Variants in WAPL observed in about 807,000 individuals in gnomAD.
WAPL encodes the protein wings apart-like protein homolog.
A neutral mutation model predicts 121.0 loss-of-function variants in WAPL; 5 were observed. The observed-to-expected ratio is 0.04, with a 90% CI of 0.02 to 0.09. WAPL has a LOEUF of 0.09. Ranked by LOEUF, WAPL falls within the 10% of genes least tolerant of loss-of-function variation. The probability of loss-of-function intolerance (pLI) is 1.00; values close to 1 mark genes in which losing one functional copy is unlikely to be tolerated. For missense variants in WAPL, 999 were observed against 1,410.8 expected (o/e 0.71, Z 4.68); for synonymous variants, 480 against 481.5 (o/e 1.00, Z 0.04).
At chr10:86,486,626 G>A (rs1025933467) in intron 4 of WAPL, among the ~76,000 whole-genome samples, 1 of 152,172 alleles carries the variant, frequency 6.6e-6, no homozygotes, top group Non-Finnish European at 1.5e-5. Flanking sequence ...GATAGTGCTA[G>A]AAGGGCCTAG....
intron 2 of WAPL, among the ~76,000 whole-genome samples, chr10:86,515,739 G>A (rs531201053): frequency 4.6e-5 from 7 of 151,884 alleles, no homozygotes; most frequent in Non-Finnish European, 7.4e-5. Context: ...GCAAGACTGC[G>A]CCACTGTACT....
chr10:86,521,569 G>C lies in WAPL; in HGVS notation c.-227C>G. On this transcript the variant is annotated 5_prime_UTR_variant, in exon 1 of 19. Coordinates refer to ENST00000298767, the MANE Select transcript of WAPL (RefSeq NM_015045.5). ...GCCCCGCAACTTCCCTCCCCGCCTC[G>C]AGCGCCGCCGGCCGGGCCCAGGCCT... 2.4e-6 allele frequency: 1 copy of C among 409,008 alleles called. No individual in the cohort carries two copies. The highest frequency in any genetic ancestry group is 1.1e-4 in the East Asian group (1 of 9,214). 25.3% of individuals were successfully genotyped at this position (409,008 alleles called of 1,614,324 possible). A position where few individuals can be genotyped will look rare whatever the true frequency, so the allele number is the denominator to read the frequency against.
rs762768980 is a variant in WAPL, at chr10:86,517,728, T to C, written c.342A>G (p.Glu114=). The C allele has an allele frequency of 6.2e-7, 1 of 1,614,170 alleles. No homozygotes were observed. The highest frequency in any genetic ancestry group is 1.7e-5 in the Admixed American group (1 of 60,020). The change falls in exon 2 of 19, where the codon GAA becomes GAG. Residue 114 remains glutamate, a synonymous_variant. Coordinates refer to ENST00000298767, the MANE Select transcript of WAPL (RefSeq NM_015045.5). ...AQLEEVTSVL[E]ANSKISHVVV... is the part of the protein sequence containing the mutation. ...CCACATGACTAATTTTGCTATTAGC[T>C]TCAAGTACTGAAGTGACCTCTTCCA...
intron 2 of WAPL, among the ~76,000 whole-genome samples, chr10:86,510,499 C>T (rs897031712): frequency 6.6e-6 from 1 of 152,188 alleles, no homozygotes; most frequent in Non-Finnish European, 1.5e-5. Flanking sequence ...GTCAGTAACT[C>T]TAAAGTACAG....
chr10:86,444,474 T>C (rs1220330852), intron 16 of WAPL, among the ~76,000 whole-genome samples: 1 of 152,208 alleles, frequency 6.6e-6, no homozygotes, highest in East Asian at 1.9e-4. Flanking sequence ...AACAATATTA[T>C]GGAATATTAT....
rs148789152 is a variant in WAPL at position 86,455,954 on chromosome 10, C to T, written c.2658-2123G>A. Among the ~76,000 whole-genome samples, 114 of 152,224 alleles carry T rather than the reference C, an allele frequency of 7.5e-4. 1 individual carries two copies. In the East Asian group the frequency reaches 0.019, roughly 25 times the overall value. On this transcript the variant is annotated intron_variant, in intron 12 of 18. Coordinates refer to ENST00000298767, the MANE Select transcript of WAPL (RefSeq NM_015045.5). ...AACAGGTATTGAAATGACTCTTTATCAGAACTATGAGTCTTTTTCGCAAGA... is the reference window on the plus strand; with the variant it reads ...AACAGGTATTGAAATGACTCTTTATTAGAACTATGAGTCTTTTTCGCAAGA...
chr10:86,438,152 T>C (rs17422189), intron 17 of WAPL, 137 bp from the exon 18 acceptor site: 40,615 of 570,484 alleles, frequency 0.071, 1,692 homozygotes, highest in Middle Eastern at 0.12. Context: ...TTATTCTCTT[T>C]CCACACTCAC....
In WAPL at chr10:86,499,622, A is replaced by G. The variant is rs1258174670; in HGVS notation, c.1525+96T>C. On this transcript the variant is annotated intron_variant, in intron 3 of 18. Transcript: ENST00000298767. The stretch of plus-strand genomic sequence containing the variant: ...TTATACTGTACTCACCTCTTTTCAG[A>G]ATATGGTTGACCTTGGGTAATTGAA... 3.1e-6 allele frequency: 4 copies of G among 1,278,826 alleles called. No individual in the cohort carries two copies. In the South Asian group the frequency reaches 6.1e-5, roughly 20 times the overall value. The allele number at this position is 1,278,826 out of a possible 1,614,324, so 79.2% of individuals were successfully genotyped here.
chr10:86,443,566 T>C (rs1849527342), intron 16 of WAPL: 2 of 481,414 alleles, frequency 4.2e-6, no homozygotes, highest in African/African-American at 1.9e-5. Flanking sequence ...ATAAAACTTT[T>C]AGTTAAAATT....
intron 2 of WAPL, among the ~76,000 whole-genome samples, chr10:86,504,331 G>A (rs12766745): frequency 0.036 from 534 of 14,818 alleles, 2 homozygotes; most frequent in Non-Finnish European, 0.047. Flanking sequence ...ATAAGCCCTC[G>A]GTATGTGCCT....
intron 4 of WAPL, among the ~76,000 whole-genome samples, chr10:86,477,540 T>C (rs1392574811): frequency 3.3e-5 from 5 of 152,182 alleles, no homozygotes; most frequent in Admixed American, 6.5e-5. Context: ...CCGTGACTCA[T>C]GCCTGTAATC....
Position 86,500,740 on chromosome 10 carries a change from TTATC to T in WAPL, c.500-1_502del, listed in dbSNP as rs1285289610. The T allele has an allele frequency of 1.5e-5, 23 of 1,552,130 alleles. No homozygotes were observed. The highest frequency in any genetic ancestry group is 1.8e-5 in the Non-Finnish European group (21 of 1,157,068). On this transcript the variant is annotated splice_acceptor_variant and coding_sequence_variant, in exon 3 of 19. Transcript: ENST00000298767. LOFTEE classifies it high-confidence loss of function. Reference sequence around the variant, plus strand: ...ATGTTCTTCATGAAAATTCTCCACTTTATCTGTAAAAATAAGTCAAAGGATAAAA... The same window carrying T: ...ATGTTCTTCATGAAAATTCTCCACTTTGTAAAAATAAGTCAAAGGATAAAA...
intron 4 of WAPL, among the ~76,000 whole-genome samples, chr10:86,477,520 G>A (rs1195426162): frequency 2.0e-5 from 3 of 152,130 alleles, no homozygotes; most frequent in African/African-American, 7.2e-5. Flanking sequence ...AGCAGATACA[G>A]GGCCAGGTAC....
At chr10:86,467,545 T>C (rs753159792) in intron 8 of WAPL, 39 bp from the exon 9 acceptor site, 14 of 1,456,176 alleles carry the variant, frequency 9.6e-6, no homozygotes, top group South Asian at 1.3e-5. Flanking sequence ...AAAAACTTCA[T>C]GTAAGCAACT....
At chr10:86,515,828 G>C (rs986953522) in intron 2 of WAPL, among the ~76,000 whole-genome samples, 1 of 150,116 alleles carries the variant, frequency 6.7e-6, no homozygotes, top group Non-Finnish European at 1.5e-5. Flanking sequence ...ACATTTTTAG[G>C]AGCTGACCTG....
intron 15 of WAPL, among the ~76,000 whole-genome samples, chr10:86,450,094 A>G (rs1335099369): frequency 6.6e-6 from 1 of 152,264 alleles, no homozygotes; most frequent in Non-Finnish European, 1.5e-5. Context: ...CTACAGTTAT[A>G]TAAGATGTCA....
chr10:86,465,900 G>GA (rs1346425970), intron 9 of WAPL, among the ~76,000 whole-genome samples: 4 of 152,046 alleles, frequency 2.6e-5, no homozygotes, highest in African/African-American at 9.7e-5. Context: ...GGAAATGTCT[G>GA]AAAACCAGGT....
At chr10:86,519,974 G>A (rs1028178094) in intron 1 of WAPL, among the ~76,000 whole-genome samples, 1 of 152,138 alleles carries the variant, frequency 6.6e-6, no homozygotes. Context: ...CTGACACTAA[G>A]GACTTAATTA....
At chr10:86,442,059 C>G (rs185938009) in intron 17 of WAPL, among the ~76,000 whole-genome samples, 1 of 152,292 alleles carries the variant, frequency 6.6e-6, no homozygotes, top group African/African-American at 2.4e-5. Flanking sequence ...AACAGTCTCA[C>G]TCTGAAGCCC....
Sources: gnomAD v4.1 joint callset for allele counts (sites outside exome capture counted in the v4.1 genomes callset) on GRCh38, gnomAD v4.1.1 for gene constraint, MANE v1.5 for transcripts, NCBI Gene and HGNC (gene_info 2026-07-23, HGNC 2026-07-21) for gene names.